TLK1: variants seen among roughly 807,000 people sequenced by gnomAD.
The protein encoded by TLK1 is serine/threonine-protein kinase tousled-like 1.
A neutral mutation model predicts 105.3 loss-of-function variants in TLK1; 24 were observed. The ratio of observed to expected loss-of-function variants is 0.23; its 90% CI spans 0.17 to 0.32. TLK1 has a LOEUF of 0.32. TLK1 is among the 10% of genes least tolerant of loss of function. The pLI, the probability that TLK1 is intolerant of heterozygous loss-of-function variation, is 1.00. For synonymous variants in TLK1, 321 were observed against 310.4 expected (o/e 1.03, Z -0.36); for missense variants, 558 against 910.5 (o/e 0.61, Z 4.98).
intron 1 of TLK1, among the ~76,000 whole-genome samples, chr2:171,174,952 T>C (rs1692793820): frequency 6.6e-6 from 1 of 152,180 alleles, no homozygotes; most frequent in Non-Finnish European, 1.5e-5. Flanking sequence ...ACTCAGTAAG[T>C]ACAATCAAGG....
chr2:171,106,629 G>A (rs923386706), intron 2 of TLK1, among the ~76,000 whole-genome samples: 1 of 151,914 alleles, frequency 6.6e-6, no homozygotes, highest in Non-Finnish European at 1.5e-5. Flanking sequence ...CTTTCTACCC[G>A]ACCCTCTCTG....
chr2:171,109,227 T>G (rs1181455111), intron 2 of TLK1, among the ~76,000 whole-genome samples: 1 of 152,228 alleles, frequency 6.6e-6, no homozygotes, highest in African/African-American at 2.4e-5. Context: ...ATAAGGCACA[T>G]TCAGGGACTG....
At chr2:171,177,132 T>C (rs555582140) in intron 1 of TLK1, among the ~76,000 whole-genome samples, 1 of 148,916 alleles carries the variant, frequency 6.7e-6, no homozygotes, top group South Asian at 2.2e-4. Flanking sequence ...TATGCCTGAC[T>C]CCTCTTTTCT....
intron 1 of TLK1, among the ~76,000 whole-genome samples, chr2:171,211,500 G>T (rs1049231855): frequency 4.0e-5 from 6 of 151,718 alleles, no homozygotes; most frequent in Admixed American, 1.3e-4. Flanking sequence ...ATGCTATTTT[G>T]CACAGACTAC....
intron 1 of TLK1, among the ~76,000 whole-genome samples, chr2:171,229,279 C>A (rs1034818924): frequency 6.6e-5 from 10 of 152,148 alleles, no homozygotes; most frequent in African/African-American, 1.9e-4. Flanking sequence ...TGAGTCTGAT[C>A]CCTGCCACAC....
chr2:171,094,230 G>A (rs6736045), intron 2 of TLK1, among the ~76,000 whole-genome samples: 17,239 of 152,144 alleles, frequency 0.11, 1,536 homozygotes, highest in African/African-American at 0.24. Flanking sequence ...AGGGGCAGAA[G>A]CACTGCTAGA....
At chr2:171,048,044 G>A (rs1286636899) in intron 10 of TLK1, among the ~76,000 whole-genome samples, 1 of 152,188 alleles carries the variant, frequency 6.6e-6, no homozygotes, top group Non-Finnish European at 1.5e-5. Flanking sequence ...CACCTCCCAG[G>A]TTCAAGCAAT....
chr2:171,111,721 C>A lies in TLK1; in HGVS notation c.258+6018G>T, dbSNP rs1690179900. On this transcript the variant is annotated intron_variant, in intron 2 of 20. Transcript: ENST00000431350. ...AAAAAACTAAAAATAGTGAAAGGGG[C>A]CCAGTTCATTTTGTGAGGCTAATGT... Among the ~76,000 whole-genome samples, 6 of 151,940 alleles carry A rather than the reference C, an allele frequency of 3.9e-5. No individual in the cohort carries two copies. In the South Asian group the frequency reaches 1.2e-3, roughly 32 times the overall value.
chr2:171,182,427 A>T (rs561188498), intron 1 of TLK1, among the ~76,000 whole-genome samples: 23 of 152,212 alleles, frequency 1.5e-4, no homozygotes, highest in Non-Finnish European at 3.2e-4. Flanking sequence ...TGCAGTAAGA[A>T]ATTAGCTTCA....
chr2:171,220,728 T>C (rs1345299563), intron 1 of TLK1, among the ~76,000 whole-genome samples: 1 of 152,074 alleles, frequency 6.6e-6, no homozygotes, highest in Non-Finnish European at 1.5e-5. Flanking sequence ...TGTTTTTTTT[T>C]TTGAGTCATT....
rs377446326 is a variant in TLK1, at chr2:171,114,382, GTCTAA to G, written c.258+3352_258+3356del. 5.0e-3 allele frequency among the ~76,000 whole-genome samples: 759 copies of G among 152,276 alleles called. 6 individuals carry two copies. The highest frequency in any genetic ancestry group is 0.017 in the African/African-American group (705 of 41,548). On this transcript the variant is annotated intron_variant, in intron 2 of 20. Transcript: ENST00000431350. The stretch of plus-strand genomic sequence containing the variant: ...AGATTATCCCAGATTATTTGGGTTG[GTCTAA>G]TCTAATCACATGAGTACATAAAAGT...
chr2:171,206,889 C>G (rs1693517869), intron 1 of TLK1, among the ~76,000 whole-genome samples: 1 of 152,192 alleles, frequency 6.6e-6, no homozygotes. Flanking sequence ...AAATTCAAAA[C>G]ACTGACAACA....
chr2:171,051,522 G>A (rs1056368083), intron 8 of TLK1, among the ~76,000 whole-genome samples: 1 of 152,078 alleles, frequency 6.6e-6, no homozygotes, highest in Admixed American at 6.6e-5. Flanking sequence ...GACCCTAATA[G>A]ATATATTGAA....
At chr2:171,085,658 A>G (rs949068145) in intron 2 of TLK1, among the ~76,000 whole-genome samples, 1 of 152,220 alleles carries the variant, frequency 6.6e-6, no homozygotes, top group Non-Finnish European at 1.5e-5. Context: ...TGGAAAGCAT[A>G]GATAAACGGT....
At chr2:171,031,099 T>C (rs1029528738) in intron 11 of TLK1, among the ~76,000 whole-genome samples, 5 of 151,816 alleles carry the variant, frequency 3.3e-5, no homozygotes, top group African/African-American at 4.8e-5. Flanking sequence ...GATTCACAAA[T>C]CTCAGTAAGA....
intron 11 of TLK1, among the ~76,000 whole-genome samples, chr2:171,029,485 A>G (rs1213828792): frequency 6.6e-6 from 1 of 152,060 alleles, no homozygotes; most frequent in African/African-American, 2.4e-5. Flanking sequence ...CCCCCAAAAA[A>G]GCACTAAATT....
chr2:171,053,940 G>A, intron 7 of TLK1, 87 bp from the exon 8 acceptor site: 1 of 1,007,840 alleles, frequency 9.9e-7, no homozygotes, highest in South Asian at 1.9e-5. Context: ...AAATTCAAAA[G>A]GTAAAGAAAA....
At chr2:171,211,968 C>A (rs1693625474) in intron 1 of TLK1, among the ~76,000 whole-genome samples, 3 of 151,998 alleles carry the variant, frequency 2.0e-5, no homozygotes, top group Admixed American at 2.0e-4. Flanking sequence ...GCCTCAGTCA[C>A]CCGAGTAGCT....
chr2:171,045,261 C>T (rs1686898938), intron 11 of TLK1: 1 of 139,164 alleles, frequency 7.2e-6, no homozygotes, highest in Admixed American at 7.6e-5. Flanking sequence ...GAAAGTCTCA[C>T]TCTTGTCCCC....
Sources: gnomAD v4.1 joint callset for allele counts (sites outside exome capture counted in the v4.1 genomes callset) on GRCh38, gnomAD v4.1.1 for gene constraint, MANE v1.5 for transcripts, NCBI Gene and HGNC (gene_info 2026-07-23, HGNC 2026-07-21) for gene names.